Variants in SYNPO2 observed in about 807,000 individuals in gnomAD.
SYNPO2 encodes the protein synaptopodin-2.
In SYNPO2, 56 loss-of-function variants were observed where a neutral mutation model predicts 85.0. The observed-to-expected ratio is 0.66, with a 90% confidence interval of 0.53 to 0.82. The LOEUF (loss-of-function observed/expected upper bound fraction) is 0.82. SYNPO2 is among the 40% of genes least tolerant of loss of function. SYNPO2 has a pLI of 0.00. For missense variants in SYNPO2, 1,575 were observed against 1,534.2 expected (o/e 1.03, Z -0.44); for synonymous variants, 602 against 591.1 (o/e 1.02, Z -0.27).
At chr4:119,052,145 G>C (rs569065536) in intron 4 of SYNPO2, among the ~76,000 whole-genome samples, 1 of 152,288 alleles carries the variant, frequency 6.6e-6, no homozygotes, top group African/African-American at 2.4e-5. Flanking sequence ...AAAGGGACAG[G>C]CTGACAAACT....
chr4:119,013,822 A>G (rs1578643282), intron 1 of SYNPO2, among the ~76,000 whole-genome samples: 1 of 152,236 alleles, frequency 6.6e-6, no homozygotes, highest in East Asian at 1.9e-4. Context: ...ACACATGCAT[A>G]AAAGATGCAT....
chr4:118,998,987 G>A (rs955843121), intron 1 of SYNPO2, among the ~76,000 whole-genome samples: 10 of 152,180 alleles, frequency 6.6e-5, no homozygotes, highest in African/African-American at 1.4e-4. Flanking sequence ...CTTGTTGACC[G>A]TGTGATCTTG....
At chr4:118,871,642 T>C (rs907714839) in intron 1 of SYNPO2, among the ~76,000 whole-genome samples, 13 of 151,610 alleles carry the variant, frequency 8.6e-5, no homozygotes, top group South Asian at 6.3e-4. Context: ...AATCTCAGCT[T>C]ACTGCAAGCT....
intron 1 of SYNPO2, among the ~76,000 whole-genome samples, chr4:118,971,649 C>A (rs544145840): frequency 5.5e-4 from 84 of 152,322 alleles, no homozygotes; most frequent in African/African-American, 2.0e-3. Context: ...GCAGGGTTTG[C>A]CTACTTTCTG....
chr4:118,940,829 A>C (rs1734286358), intron 1 of SYNPO2, among the ~76,000 whole-genome samples: 1 of 151,916 alleles, frequency 6.6e-6, no homozygotes, highest in Non-Finnish European at 1.5e-5. Flanking sequence ...CCCACCTCCC[A>C]CCTCTCTCCT....
At position 119,030,539 on chromosome 4, in the gene SYNPO2, G is replaced by A. The variant is rs376071163; in HGVS notation, c.1764G>A (p.Thr588=). 2.5e-6 allele frequency: 4 copies of A among 1,613,996 alleles called. No individual in the cohort carries two copies. In the African/African-American group the frequency reaches 4.0e-5, roughly 16 times the overall value. ...NIQRMVPMNR[T]AKPFPGSVNQ... Reference sequence around the variant, plus strand: ...AGAGGATGGTCCCCATGAATAGAACGGCCAAACCCTTCCCAGGGTCTGTGA... The same window carrying A: ...AGAGGATGGTCCCCATGAATAGAACAGCCAAACCCTTCCCAGGGTCTGTGA... The change falls in exon 4 of 5, where the codon ACG becomes ACA. Residue 588 remains threonine (T), a synonymous_variant. Coordinates refer to ENST00000307142, the MANE Select transcript of SYNPO2 (RefSeq NM_133477.3).
intron 1 of SYNPO2, among the ~76,000 whole-genome samples, chr4:119,012,758 C>T (rs781432695): frequency 2.7e-4 from 41 of 152,260 alleles, no homozygotes; most frequent in Middle Eastern, 6.8e-3. Context: ...TAGTATTCCA[C>T]GGTGTATATG....
intron 4 of SYNPO2, among the ~76,000 whole-genome samples, chr4:119,056,055 G>C (rs1197927055): frequency 6.6e-6 from 1 of 152,170 alleles, no homozygotes; most frequent in African/African-American, 2.4e-5. Flanking sequence ...TTTTTTGTTA[G>C]GAAACAGGAT....
At chr4:119,051,259 G>A (rs995637161) in intron 4 of SYNPO2, among the ~76,000 whole-genome samples, 10 of 133,394 alleles carry the variant, frequency 7.5e-5, no homozygotes, top group African/African-American at 2.8e-5. Flanking sequence ...GCGGGATCTC[G>A]GCTCACTGCA....
chr4:118,986,150 T>C (rs1408201630), intron 1 of SYNPO2, among the ~76,000 whole-genome samples: 2 of 152,222 alleles, frequency 1.3e-5, no homozygotes, highest in African/African-American at 4.8e-5. Context: ...TTTTAAATCC[T>C]TTTATAGGTT....
At chr4:118,926,157 G>T (rs568201023) in intron 1 of SYNPO2, among the ~76,000 whole-genome samples, 1 of 152,128 alleles carries the variant, frequency 6.6e-6, no homozygotes, top group African/African-American at 2.4e-5. Flanking sequence ...AATGGAGAAC[G>T]CAACTGGGGA....
intron 4 of SYNPO2, chr4:119,033,018 G>T (rs2149192682): frequency 1.0e-6 from 1 of 984,598 alleles, no homozygotes; most frequent in African/African-American, 1.8e-5. Context: ...CTCAGCTGAG[G>T]CAAGTGGTAG....
intron 1 of SYNPO2, among the ~76,000 whole-genome samples, chr4:118,900,703 C>CTCTCTCTCTATATA (rs1277981772): frequency 1.9e-3 from 85 of 43,832 alleles, no homozygotes; most frequent in Non-Finnish European, 3.0e-3. Context: ...CTCTCTCTCT[C>CTCTCTCTCTATATA]TATATATATA....
chr4:118,892,201 T>G (rs968230354), intron 1 of SYNPO2, among the ~76,000 whole-genome samples: 1 of 152,194 alleles, frequency 6.6e-6, no homozygotes, highest in East Asian at 1.9e-4. Context: ...ATATTCATTA[T>G]CAAAACTTGT....
chr4:118,933,829 GTTTTT>G (rs71595334), intron 1 of SYNPO2, among the ~76,000 whole-genome samples: 2 of 102,316 alleles, frequency 2.0e-5, no homozygotes, highest in South Asian at 3.8e-4. Context: ...TGTTGTTGTT[GTTTTT>G]TTTTTTTTTT....
At chr4:118,967,564 A>G (rs1362919376) in intron 1 of SYNPO2, among the ~76,000 whole-genome samples, 1 of 152,224 alleles carries the variant, frequency 6.6e-6, no homozygotes, top group Non-Finnish European at 1.5e-5. Flanking sequence ...TTCTTTGGCC[A>G]ACTCAACTAA....
At chr4:118,967,112 T>C (rs1225080395) in intron 1 of SYNPO2, among the ~76,000 whole-genome samples, 4 of 152,192 alleles carry the variant, frequency 2.6e-5, no homozygotes, top group African/African-American at 9.6e-5. Flanking sequence ...GAGTGTACTA[T>C]TATTCCCTTC....
intron 2 of SYNPO2, among the ~76,000 whole-genome samples, chr4:119,026,051 A>G (rs1179538349): frequency 6.6e-6 from 1 of 152,224 alleles, no homozygotes; most frequent in African/African-American, 2.4e-5. Flanking sequence ...CAGCACGGAA[A>G]GGATTTCTCT....
At chr4:118,972,871 A>T (rs2149157206) in intron 1 of SYNPO2, among the ~76,000 whole-genome samples, 1 of 152,338 alleles carries the variant, frequency 6.6e-6, no homozygotes, top group Non-Finnish European at 1.5e-5. Context: ...TTGGAAACAA[A>T]TTAGATATTA....
Sources: gnomAD v4.1 joint callset for allele counts (sites outside exome capture counted in the v4.1 genomes callset) on GRCh38, gnomAD v4.1.1 for gene constraint, MANE v1.5 for transcripts, NCBI Gene and HGNC (gene_info 2026-07-23, HGNC 2026-07-21) for gene names.